Variants in MOB3B observed in about 807,000 individuals in gnomAD.
MOB3B encodes MOB kinase activator-like 2B.
Under a neutral mutation model 18.7 loss-of-function variants are expected in MOB3B, and 7 were observed. That is an observed-to-expected ratio of 0.37 (90% CI 0.21 to 0.70). The LOEUF is 0.70. Ranked by LOEUF, MOB3B falls within the 30% of genes least tolerant of loss-of-function variation. The pLI is 0.52. For synonymous variants in MOB3B, 111 were observed against 99.9 expected, an observed-to-expected ratio of 1.11 and a Z score of -0.66; for missense variants, 253 against 281.3, an observed-to-expected ratio of 0.90 and a Z score of 0.72.
At position 27,455,539 on chromosome 9, in the gene MOB3B, G is replaced by C. The variant is rs761875552; in HGVS notation, c.12C>G (p.Ala4=). 1.2e-6 allele frequency: 2 copies of C among 1,613,986 alleles called. No individual in the cohort carries two copies. Among genetic ancestry groups the C allele is most frequent in the African/African-American group, 1.3e-5 (1 of 74,892 alleles). Residue 4 remains alanine (A), a synonymous_variant, in exon 2 of 4, where the codon GCC becomes GCG. Transcript: ENST00000262244. MSI[A]LKQVFNKDKT... Reference sequence around the variant, plus strand: ...TGTCCTTGTTGAATACCTGCTTCAGGGCTATGGACATGGTCTTCTCTTTCG... The same window carrying C: ...TGTCCTTGTTGAATACCTGCTTCAGCGCTATGGACATGGTCTTCTCTTTCG...
At chr9:27,416,558 T>A (rs1050579460) in intron 2 of MOB3B, among the ~76,000 whole-genome samples, 3 of 129,854 alleles carry the variant, frequency 2.3e-5, no homozygotes, top group African/African-American at 1.2e-4. Context: ...TTTTTTTTTT[T>A]TTTTTTTTTT....
chr9:27,445,075 T>C (rs1043478230), intron 2 of MOB3B, among the ~76,000 whole-genome samples: 6 of 152,300 alleles, frequency 3.9e-5, no homozygotes, highest in African/African-American at 1.2e-4. Context: ...GGTAAATAAA[T>C]GTGCAAAGGT....
chr9:27,424,851 C>T (rs1467750629), intron 2 of MOB3B, among the ~76,000 whole-genome samples: 1 of 152,188 alleles, frequency 6.6e-6, no homozygotes, highest in Non-Finnish European at 1.5e-5. Context: ...ATGTTCCATA[C>T]TTGTGTCGTA....
At position 27,359,140 on chromosome 9, in the gene MOB3B, C is replaced by T. The variant is rs899665493; in HGVS notation, c.515G>A (p.Arg172Gln). The T allele has an allele frequency of 3.7e-6, 6 of 1,614,064 alleles. No individual in the cohort carries two copies. The highest frequency in any genetic ancestry group is 4.2e-6 in the Non-Finnish European group (5 of 1,180,022). Reference sequence around the variant, plus strand: ...GGCCTCTGCACCCATCACAATGACCCGGTCGAAGTGGTGGATATAGACGTG... The same window carrying T: ...GGCCTCTGCACCCATCACAATGACCTGGTCGAAGTGGTGGATATAGACGTG... ...FVHVYIHHFD[R>Q]VIVMGAEAHV... The change falls in exon 3 of 4, where the codon CGG becomes CAG. Residue 172 changes from arginine (R) to glutamine (Q), a missense_variant. Physicochemically the swap from Arg to Gln is conservative, Grantham distance 43. Transcript: ENST00000262244.
In MOB3B at chr9:27,336,297, G is replaced by C. The variant is rs145866201; in HGVS notation, c.622-5681C>G. Among the ~76,000 whole-genome samples the C allele has an allele frequency of 7.1e-3, 1,085 of 151,952 alleles. 13 individuals carry two copies. Among genetic ancestry groups the C allele is most frequent in the African/African-American group, 0.025 (1,040 of 41,288 alleles). Reference sequence around the variant, plus strand: ...TGGAGGGAGGAGCAAAAGAAAAGGAGTGAGTCTTTTTGTTTCTGTTGTAAA... The same window carrying C: ...TGGAGGGAGGAGCAAAAGAAAAGGACTGAGTCTTTTTGTTTCTGTTGTAAA... On this transcript the variant is annotated intron_variant, in intron 3 of 3. Transcript: ENST00000262244.
intron 3 of MOB3B, among the ~76,000 whole-genome samples, chr9:27,347,784 A>G (rs549372888): frequency 3.6e-4 from 55 of 152,356 alleles, no homozygotes; most frequent in African/African-American, 1.3e-3. Flanking sequence ...ATACACAAAT[A>G]CTTACCATTA....
chr9:27,326,855 G>C lies in MOB3B; in HGVS notation c.*3732C>G, dbSNP rs948070078. ...AATTTTAATACCACATAAATACTTT[G>C]TATCTGTTTATGTACTTGTGATCCT... On this transcript the variant is annotated 3_prime_UTR_variant, in exon 4 of 4. Transcript: ENST00000262244. The C allele has an allele frequency of 1.1e-4, 35 of 317,038 alleles. No homozygotes were observed. The highest frequency in any genetic ancestry group is 7.3e-4 in the African/African-American group (34 of 46,762). The allele number at this position is 317,038 out of a possible 1,614,324, so 19.6% of individuals were successfully genotyped here.
intron 2 of MOB3B, among the ~76,000 whole-genome samples, chr9:27,390,025 C>T (rs1472392433): frequency 6.6e-6 from 1 of 151,982 alleles, no homozygotes; most frequent in Non-Finnish European, 1.5e-5. Context: ...CCTAAATCAC[C>T]AATTTCCTAA....
chr9:27,445,927 G>A (rs575182915), intron 2 of MOB3B, among the ~76,000 whole-genome samples: 2 of 152,176 alleles, frequency 1.3e-5, no homozygotes, highest in Non-Finnish European at 2.9e-5. Context: ...TTAATTCTTC[G>A]CTGCTCTCCA....
chr9:27,485,893 T>C (rs1819722965), intron 1 of MOB3B, among the ~76,000 whole-genome samples: 1 of 152,250 alleles, frequency 6.6e-6, no homozygotes, highest in African/African-American at 2.4e-5. Context: ...GCAAACTCAC[T>C]GAGCTGAACT....
chr9:27,519,097 ACT>A, intron 1 of MOB3B, among the ~76,000 whole-genome samples: 1 of 151,960 alleles, frequency 6.6e-6, no homozygotes, highest in East Asian at 1.9e-4. Context: ...GCCATCTACC[ACT>A]CTGTTAATTC....
intron 2 of MOB3B, among the ~76,000 whole-genome samples, chr9:27,395,482 G>C (rs1264076684): frequency 6.6e-6 from 1 of 152,072 alleles, no homozygotes; most frequent in South Asian, 2.1e-4. Flanking sequence ...TGATAGGTTG[G>C]TATGCCCCAG....
At chr9:27,528,459 C>T (rs938627645) in intron 1 of MOB3B, among the ~76,000 whole-genome samples, 3 of 152,352 alleles carry the variant, frequency 2.0e-5, no homozygotes, top group South Asian at 4.1e-4. Flanking sequence ...CTGAGAAATG[C>T]GCCCTGGGCC....
intron 1 of MOB3B, chr9:27,524,200 A>C: frequency 1.3e-6 from 1 of 778,818 alleles, no homozygotes; most frequent in Non-Finnish European, 1.8e-6. Context: ...AGGGGCCGCA[A>C]CCTTGGTTAA....
chr9:27,479,395 A>C (rs1425076208), intron 1 of MOB3B, among the ~76,000 whole-genome samples: 1 of 152,228 alleles, frequency 6.6e-6, no homozygotes, highest in East Asian at 1.9e-4. Context: ...CCCACCTCTC[A>C]ACACTGATGC....
At chr9:27,482,868 C>A (rs1819681746) in intron 1 of MOB3B, among the ~76,000 whole-genome samples, 1 of 152,226 alleles carries the variant, frequency 6.6e-6, no homozygotes, top group South Asian at 2.1e-4. Context: ...ATGGGTTGGC[C>A]TGATAAGGCT....
At chr9:27,414,247 T>G (rs1822114573) in intron 2 of MOB3B, among the ~76,000 whole-genome samples, 1 of 152,218 alleles carries the variant, frequency 6.6e-6, no homozygotes, top group Non-Finnish European at 1.5e-5. Context: ...ACCATGATTG[T>G]GAATAGCCAT....
At chr9:27,500,963 G>A (rs1458295807) in intron 1 of MOB3B, among the ~76,000 whole-genome samples, 1 of 152,036 alleles carries the variant, frequency 6.6e-6, no homozygotes, top group Admixed American at 6.6e-5. Context: ...CTTCTCAAAA[G>A]AAGACATTTA....
chr9:27,466,893 CATATCATTCCTG>C lies in MOB3B; in HGVS notation c.-198-11157_-198-11146del, dbSNP rs534648810. Among the ~76,000 whole-genome samples, 62 of 152,226 alleles carry C rather than the reference CATATCATTCCTG, an allele frequency of 4.1e-4. No individual in the cohort carries two copies. The South Asian group carries it at 0.013, about 31-fold the overall frequency. ...GATTTGGGTGGGGACACAGCCAAAC[CATATCATTCCTG>C]TTATCATTCCTGTTATCAGAATCCA... On this transcript the variant is annotated intron_variant, in intron 1 of 3. Transcript: ENST00000262244.
Sources: gnomAD v4.1 joint callset for allele counts (sites outside exome capture counted in the v4.1 genomes callset) on GRCh38, gnomAD v4.1.1 for gene constraint, MANE v1.5 for transcripts, NCBI Gene and HGNC (gene_info 2026-07-23, HGNC 2026-07-21) for gene names.